IL1R1: variants seen among roughly 807,000 people sequenced by gnomAD.
The protein encoded by IL1R1 is interleukin 1 receptor type 1.
Under a neutral mutation model 50.2 loss-of-function variants are expected in IL1R1, and 22 were observed. The observed-to-expected ratio is 0.44, with a 90% confidence interval of 0.31 to 0.63. The LOEUF (loss-of-function observed/expected upper bound fraction) is 0.63. Ranked by LOEUF, IL1R1 falls within the 20% of genes least tolerant of loss-of-function variation. IL1R1 has a pLI of 0.07. For missense variants in IL1R1, 509 were observed against 676.2 expected (o/e 0.75, Z 2.74); for synonymous variants, 251 against 236.7 (o/e 1.06, Z -0.55).
chr2:102,106,574 C>T (rs1280093651), intron 1 of IL1R1, among the ~76,000 whole-genome samples: 1 of 152,112 alleles, frequency 6.6e-6, no homozygotes, highest in Non-Finnish European at 1.5e-5. Flanking sequence ...ACACAAACAG[C>T]ACAAGCTCAT....
chr2:102,072,273 A>C (rs1678765654), intron 1 of IL1R1, among the ~76,000 whole-genome samples: 1 of 152,128 alleles, frequency 6.6e-6, no homozygotes, highest in African/African-American at 2.4e-5. Flanking sequence ...AAAAAAAAAA[A>C]AAAAGAAAAA....
chr2:102,080,477 C>T (rs1363716065), intron 1 of IL1R1, among the ~76,000 whole-genome samples: 2 of 152,176 alleles, frequency 1.3e-5, no homozygotes, highest in African/African-American at 4.8e-5. Flanking sequence ...TTAAAAGATG[C>T]TCGACATTAC....
intron 1 of IL1R1, among the ~76,000 whole-genome samples, chr2:102,127,487 C>T (rs59928428): frequency 0.026 from 3,984 of 152,168 alleles, 113 homozygotes; most frequent in African/African-American, 0.069. Flanking sequence ...AATGATAATA[C>T]GGCAGTGTAT....
intron 1 of IL1R1, among the ~76,000 whole-genome samples, chr2:102,143,891 C>T (rs941643351): frequency 2.6e-5 from 4 of 152,186 alleles, no homozygotes; most frequent in African/African-American, 9.7e-5. Flanking sequence ...GGAACTGAGG[C>T]AAGGGACACC....
intron 6 of IL1R1, among the ~76,000 whole-genome samples, chr2:102,167,464 T>C (rs1167184123): frequency 8.7e-6 from 1 of 115,430 alleles, no homozygotes; most frequent in African/African-American, 3.7e-5. Context: ...TTTTTTTTTT[T>C]TGAGATGGAG....
chr2:102,174,658 A>G lies in IL1R1; in HGVS notation c.1063A>G (p.Ile355Val). The change falls in exon 10 of 12, where the codon ATC becomes GTC. Residue 355 changes from isoleucine (I) to valine (V), a missense_variant. Physicochemically the swap from Ile to Val is conservative, Grantham distance 29. Transcript: ENST00000410023. Reference sequence around the variant, plus strand: ...AGTCATAATTGTGTGTTCTGTTTTCATCTATAAAATCTTCAAGATTGACAT... The same window carrying G: ...AGTCATAATTGTGTGTTCTGTTTTCGTCTATAAAATCTTCAAGATTGACAT... ...LTVIIVCSVF[I>V]YKIFKIDIVL... is the part of the protein sequence containing the mutation. 3 of 1,611,908 alleles carry G rather than the reference A, an allele frequency of 1.9e-6. No individual in the cohort carries two copies. Among genetic ancestry groups the G allele is most frequent in the Non-Finnish European group, 2.5e-6 (3 of 1,178,956 alleles).
intron 1 of IL1R1, among the ~76,000 whole-genome samples, chr2:102,147,711 C>T (rs560621043): frequency 2.6e-5 from 4 of 152,240 alleles, no homozygotes; most frequent in Admixed American, 1.3e-4. Context: ...CATCTGGTGA[C>T]GGTGATCCTG....
chr2:102,161,278 A>G (rs893348814), intron 3 of IL1R1, among the ~76,000 whole-genome samples: 1 of 152,160 alleles, frequency 6.6e-6, no homozygotes, highest in Admixed American at 6.5e-5. Flanking sequence ...ATCTAATTCC[A>G]TTGTCACCAG....
intron 1 of IL1R1, among the ~76,000 whole-genome samples, chr2:102,071,083 T>A (rs1009006478): frequency 3.9e-5 from 6 of 152,166 alleles, no homozygotes; most frequent in African/African-American, 7.2e-5. Flanking sequence ...CTAGGCATCA[T>A]TATGTGTTAT....
intron 1 of IL1R1, among the ~76,000 whole-genome samples, chr2:102,130,639 C>G (rs1050169142): frequency 7.1e-6 from 1 of 140,852 alleles, no homozygotes; most frequent in African/African-American, 2.7e-5. Flanking sequence ...TTGGTTTTGA[C>G]TAAAATGTAT....
rs138283825 is a variant in IL1R1, at chr2:102,164,052, G to A, written c.62-722G>A. Among the ~76,000 whole-genome samples the A allele has an allele frequency of 1.0e-3, 157 of 152,118 alleles. 2 individuals carry two copies. Among genetic ancestry groups the A allele is most frequent in the African/African-American group, 3.7e-3 (153 of 41,496 alleles). Reference sequence around the variant, plus strand: ...GGAACAGCAACTGTTTCCAGCATTGGGTGTGCTCCATGTGTTACTCCCTCC... The same window carrying A: ...GGAACAGCAACTGTTTCCAGCATTGAGTGTGCTCCATGTGTTACTCCCTCC... On this transcript the variant is annotated intron_variant, in intron 3 of 11. Coordinates refer to ENST00000410023, the MANE Select transcript of IL1R1 (RefSeq NM_000877.4).
At chr2:102,124,038 C>T (rs1358239221) in intron 1 of IL1R1, among the ~76,000 whole-genome samples, 1 of 152,098 alleles carries the variant, frequency 6.6e-6, no homozygotes, top group African/African-American at 2.4e-5. Flanking sequence ...ACTACCTCCT[C>T]TATTCTTGAG....
At chr2:102,166,716 T>C (rs1278738053) in intron 6 of IL1R1, among the ~76,000 whole-genome samples, 1 of 152,196 alleles carries the variant, frequency 6.6e-6, no homozygotes, top group East Asian at 1.9e-4. Context: ...ATCTACCTCC[T>C]GTTCATTCTG....
At chr2:102,145,242 T>C (rs1683014192) in intron 1 of IL1R1, among the ~76,000 whole-genome samples, 1 of 152,148 alleles carries the variant, frequency 6.6e-6, no homozygotes, top group South Asian at 2.1e-4. Flanking sequence ...GAATGGGTGC[T>C]TGGTTTGCAT....
At chr2:102,170,661 C>T (rs1685591421) in intron 7 of IL1R1, among the ~76,000 whole-genome samples, 1 of 151,870 alleles carries the variant, frequency 6.6e-6, no homozygotes, top group South Asian at 2.1e-4. Context: ...TAGAAGTGTC[C>T]ATAAAATATG....
rs1679802517 is a variant in IL1R1 at position 102,094,186 on chromosome 2, TTGAC to T, written c.-84+23655_-84+23658del. 2.0e-5 allele frequency among the ~76,000 whole-genome samples: 3 copies of T among 152,246 alleles called. No homozygotes were observed. The South Asian group carries it at 6.2e-4, about 31-fold the overall frequency. ...CTAAATGTGAAATAATTCTGAGTCT[TTGAC>T]TAAGTCTTCTAAAGAAAGAATAAAA... is the stretch of plus-strand genomic sequence containing the variant. On this transcript the variant is annotated intron_variant, in intron 1 of 11. Coordinates refer to the IL1R1 transcript ENST00000409929.
intron 3 of IL1R1, among the ~76,000 whole-genome samples, chr2:102,161,406 A>G (rs951957419): frequency 6.6e-6 from 1 of 152,156 alleles, no homozygotes; most frequent in Admixed American, 6.5e-5. Flanking sequence ...GTAATGTTCT[A>G]CTGTTGTTGG....
intron 1 of IL1R1, among the ~76,000 whole-genome samples, chr2:102,093,407 G>T (rs912724760): frequency 1.3e-5 from 2 of 152,094 alleles, no homozygotes; most frequent in Non-Finnish European, 1.5e-5. Context: ...TAACTTTTGG[G>T]GAAAATGTAA....
At chr2:102,139,813 T>G (rs1191657191), upstream of IL1R1, among the ~76,000 whole-genome samples, 2 of 152,242 alleles carry the variant, frequency 1.3e-5, no homozygotes, top group Non-Finnish European at 2.9e-5. Context: ...CAGATGGCAG[T>G]GCCATGCTTC....
Sources: allele counts gnomAD v4.1 joint callset (sites outside exome capture counted in the v4.1 genomes callset), GRCh38; gene constraint gnomAD v4.1.1; transcripts MANE v1.5; gene names NCBI Gene and HGNC (gene_info 2026-07-23, HGNC 2026-07-21).